Variants in CNBD2 observed in about 807,000 individuals in gnomAD.
CNBD2 encodes cyclic nucleotide-binding domain-containing protein 2.
A neutral mutation model predicts 63.7 loss-of-function variants in CNBD2; 64 were observed. The ratio of observed to expected loss-of-function variants is 1.00; its 90% CI spans 0.82 to 1.24. The LOEUF (loss-of-function observed/expected upper bound fraction) is 1.24, where lower values mean the gene tolerates loss of function less well. CNBD2 is among the 50% of genes most tolerant of loss of function. The pLI, the probability that CNBD2 is intolerant of heterozygous loss-of-function variation, is 0.00. For missense variants in CNBD2, 691 were observed against 713.5 expected (o/e 0.97, Z 0.36); for synonymous variants, 229 against 255.4 (o/e 0.90, Z 0.99).
chr20:35,965,386 C>T (rs113688352), upstream of CNBD2, among the ~76,000 whole-genome samples: 2,093 of 152,230 alleles, frequency 0.014, 22 homozygotes, highest in Non-Finnish European at 0.022. Flanking sequence ...CCATGTTGGA[C>T]GAGCTGGCCT....
chr20:36,001,881 C>T (rs972363740), intron 8 of CNBD2, among the ~76,000 whole-genome samples: 7 of 151,002 alleles, frequency 4.6e-5, no homozygotes, highest in African/African-American at 9.8e-5. Flanking sequence ...GATGGGATGG[C>T]GGCCGGGCAG....
chr20:35,969,044 C>T (rs2056375600), intron 1 of CNBD2, among the ~76,000 whole-genome samples: 1 of 152,200 alleles, frequency 6.6e-6, no homozygotes, highest in Non-Finnish European at 1.5e-5. Flanking sequence ...GTTCTGTACC[C>T]ACTCTTCCTG....
intron 1 of CNBD2, among the ~76,000 whole-genome samples, chr20:35,969,533 A>G (rs922426238): frequency 4.6e-5 from 7 of 152,104 alleles, no homozygotes; most frequent in Non-Finnish European, 1.0e-4. Flanking sequence ...TCACATGTGT[A>G]TGTATCCATA....
intron 3 of CNBD2, 88 bp from the exon 4 acceptor site, chr20:35,980,371 G>A (rs1229904313): frequency 8.2e-7 from 1 of 1,222,144 alleles, no homozygotes; most frequent in Non-Finnish European, 1.2e-6. Flanking sequence ...GAACGGGAGA[G>A]TGTACAAGCA....
At chr20:36,027,976 T>C (rs556369308) in intron 11 of CNBD2, among the ~76,000 whole-genome samples, 43 of 152,196 alleles carry the variant, frequency 2.8e-4, no homozygotes, top group African/African-American at 1.0e-3. Flanking sequence ...CGGAAAATCA[T>C]TAATAAATTT....
intron 8 of CNBD2, among the ~76,000 whole-genome samples, 156 bp from the exon 9 acceptor site, chr20:36,008,141 G>C (rs1236599992): frequency 6.6e-6 from 1 of 152,084 alleles, no homozygotes; most frequent in Admixed American, 6.6e-5. Flanking sequence ...ACATTACATG[G>C]AGGCCACAGT....
intron 10 of CNBD2, among the ~76,000 whole-genome samples, chr20:36,015,245 A>C (rs772492604): frequency 1.4e-4 from 21 of 152,124 alleles, no homozygotes; most frequent in Non-Finnish European, 2.9e-4. Context: ...GTTTAAGTTC[A>C]TTATACATTT....
In CNBD2 at chr20:35,974,559, C is replaced by T. The variant is rs577504995; in HGVS notation, c.190-1390C>T. ...TAGGGTTGTCAGGCGGAGCACTGGG[C>T]GGCTGGAGTGCAGGATCAGGTGGGG... On this transcript the variant is annotated intron_variant, in intron 2 of 11. Coordinates refer to ENST00000373973, the MANE Select transcript of CNBD2 (RefSeq NM_001365709.1). 16 of 154,024 alleles carry T rather than the reference C, an allele frequency of 1.0e-4. No homozygotes were observed. The South Asian group carries it at 2.7e-3, about 26-fold the overall frequency. 9.5% of individuals were successfully genotyped at this position (154,024 alleles called of 1,614,324 possible).
At chr20:35,977,733 A>T (rs1324312089) in intron 3 of CNBD2, among the ~76,000 whole-genome samples, 1 of 152,132 alleles carries the variant, frequency 6.6e-6, no homozygotes, top group Non-Finnish European at 1.5e-5. Context: ...GATGCTAATG[A>T]GTATAGGGTT....
chr20:36,004,177 G>T (rs901076630), intron 8 of CNBD2, among the ~76,000 whole-genome samples: 4 of 152,154 alleles, frequency 2.6e-5, no homozygotes, highest in African/African-American at 9.7e-5. Flanking sequence ...TAATGGGAGG[G>T]TATTACACAA....
At position 35,972,708 on chromosome 20, in the gene CNBD2, G is replaced by A. The variant is rs540383548; in HGVS notation, c.131G>A (p.Arg44Gln). 5.0e-6 allele frequency: 8 copies of A among 1,614,026 alleles called. No homozygotes were observed. The highest frequency in any genetic ancestry group is 4.5e-5 in the East Asian group (2 of 44,890). ...TTCCGCCAAGGCCTCAGGGGATTCC[G>A]GGAATATCAAATCATTGAGACTGCT... ...KMFRQGLRGF[R>Q]EYQIIETAHW... The change falls in exon 2 of 12, where the codon CGG (arginine) becomes CAG (glutamine). Residue 44 changes from arginine to glutamine, a missense_variant. Coordinates refer to ENST00000373973, the MANE Select transcript of CNBD2 (RefSeq NM_001365709.1).
Position 36,011,273 on chromosome 20 carries a change from G to T in CNBD2, c.1269+16G>T, listed in dbSNP as rs1470630452. 1 of 1,534,210 alleles carries T rather than the reference G, an allele frequency of 6.5e-7. No individual in the cohort carries two copies. Among genetic ancestry groups the T allele is most frequent in the Non-Finnish European group, 8.8e-7 (1 of 1,137,984 alleles). ...AGAAATTTTGGTGAGTGTGCCAAGA[G>T]CTCTGTTCACCATGGAGTACGTAAC... On this transcript the variant is annotated intron_variant, in intron 10 of 11. Transcript: ENST00000373973.
At chr20:36,021,600 T>G (rs1251922015) in intron 10 of CNBD2, among the ~76,000 whole-genome samples, 10 of 152,170 alleles carry the variant, frequency 6.6e-5, no homozygotes, top group Admixed American at 5.9e-4. Context: ...CTTTTTCTTC[T>G]TGAGCCCTAT....
chr20:36,006,916 A>G (rs1035618686), intron 8 of CNBD2, among the ~76,000 whole-genome samples: 1 of 152,130 alleles, frequency 6.6e-6, no homozygotes, highest in African/African-American at 2.4e-5. Flanking sequence ...CAGGCCAGGC[A>G]TGGTGGCTCA....
intron 11 of CNBD2, among the ~76,000 whole-genome samples, chr20:36,029,350 GTTAT>G (rs2057317195): frequency 6.6e-6 from 1 of 152,160 alleles, no homozygotes. Flanking sequence ...AGATGTTGTT[GTTAT>G]TTATTATGTA....
At chr20:35,965,406 G>A (rs1010980146), upstream of CNBD2, among the ~76,000 whole-genome samples, 3 of 152,132 alleles carry the variant, frequency 2.0e-5, no homozygotes, top group Admixed American at 2.0e-4. Context: ...TTGAGCTCCT[G>A]ACCTCAGGTG....
intron 10 of CNBD2, among the ~76,000 whole-genome samples, chr20:36,013,246 G>A (rs556289094): frequency 3.9e-5 from 6 of 151,930 alleles, no homozygotes; most frequent in South Asian, 2.1e-4. Context: ...ATGAAACCGC[G>A]TCTCTACTAA....
At chr20:36,020,101 G>A (rs1411388870) in intron 10 of CNBD2, among the ~76,000 whole-genome samples, 1 of 149,444 alleles carries the variant, frequency 6.7e-6, no homozygotes, top group Non-Finnish European at 1.5e-5. Context: ...TTTTTTTCTT[G>A]AGACGGAGTC....
At chr20:35,964,380 A>G (rs933576760), upstream of CNBD2, among the ~76,000 whole-genome samples, 4 of 150,418 alleles carry the variant, frequency 2.7e-5, no homozygotes, top group Admixed American at 6.6e-5. Context: ...GGGTTTCTCC[A>G]TGTTGGTCAG....
Sources: allele counts gnomAD v4.1 joint callset (sites outside exome capture counted in the v4.1 genomes callset), GRCh38; gene constraint gnomAD v4.1.1; transcripts MANE v1.5; gene names NCBI Gene and HGNC (gene_info 2026-07-23, HGNC 2026-07-21).